The following PHACTR2 variants were observed in gnomAD, a reference collection of about 807,000 sequenced individuals.
The protein encoded by PHACTR2 is chromosome 6 open reading frame 56.
PHACTR2 carries 30 observed loss-of-function variants against 76.0 expected under a neutral mutation model. That is an observed-to-expected ratio of 0.39 (90% CI 0.30 to 0.54). The LOEUF (loss-of-function observed/expected upper bound fraction) is 0.54, where lower values mean the gene tolerates loss of function less well. Among genes scored for constraint, PHACTR2 ranks in the 20% least tolerant of loss-of-function variants. The pLI is 0.61. For synonymous variants in PHACTR2, 292 were observed against 292.5 expected (o/e 1.00, Z 0.02); for missense variants, 696 against 781.1 (o/e 0.89, Z 1.30).
chr6:143,767,478 G>T lies in PHACTR2; in HGVS notation c.1232+1680G>T, dbSNP rs548108575. On this transcript the variant is annotated intron_variant, in intron 6 of 12. Transcript: ENST00000440869. This position sits in a 1 kb window ranked among gnomAD's most constrained non-coding sequence, Gnocchi z 4.4. ...TTCTTTGTTTGACATTTTAATAAAA[G>T]ATATGGGAAAAGAAGATTTATTGAA... Among the ~76,000 whole-genome samples, 4 of 152,226 alleles carry T rather than the reference G, an allele frequency of 2.6e-5. No homozygotes were observed. The South Asian group carries it at 8.3e-4, about 32-fold the overall frequency.
Position 143,598,739 on chromosome 6 carries a change from A to G in PHACTR2, c.217+61532A>G, listed in dbSNP as rs2128435473. 6.6e-6 allele frequency among the ~76,000 whole-genome samples: 1 copy of G among 152,288 alleles called. No homozygotes were observed. Among genetic ancestry groups the G allele is most frequent in the Non-Finnish European group, 1.5e-5 (1 of 68,030 alleles). On this transcript the variant is annotated intron_variant, in intron 1 of 11. Coordinates refer to the PHACTR2 transcript ENST00000367584. This position sits in a 1 kb window ranked among gnomAD's most constrained non-coding sequence, Gnocchi z 4.1. ...CTTTCCTGGCTTTGTCCTTCGTATC[A>G]GATGCAGATGTTTTATCTCCTTTTT...
intron 1 of PHACTR2, among the ~76,000 whole-genome samples, chr6:143,632,762 A>T (rs1273695549): frequency 6.6e-5 from 10 of 152,164 alleles, no homozygotes; most frequent in Non-Finnish European, 1.5e-4. Context: ...CCACCTATTC[A>T]TCCCTTTTCC....
intron 1 of PHACTR2, among the ~76,000 whole-genome samples, chr6:143,560,882 G>GGTGT (rs36070460): frequency 0.036 from 4,817 of 132,986 alleles, 109 homozygotes; most frequent in African/African-American, 0.06. Flanking sequence ...AAAGCAGAGG[G>GGTGT]GTGTGTGTGT....
chr6:143,744,259 G>A (rs1779006144), intron 2 of PHACTR2, among the ~76,000 whole-genome samples: 1 of 152,214 alleles, frequency 6.6e-6, no homozygotes, highest in Non-Finnish European at 1.5e-5. Context: ...TTTGCCACAA[G>A]CCTCACTTGC....
At chr6:143,560,885 G>C (rs1187479857) in intron 1 of PHACTR2, among the ~76,000 whole-genome samples, 6 of 31,588 alleles carry the variant, frequency 1.9e-4, no homozygotes, top group African/African-American at 6.7e-4. Context: ...GCAGAGGGGT[G>C]TGTGTGTGTG....
chr6:143,626,388 T>A lies in PHACTR2; in HGVS notation c.13+18066T>A, dbSNP rs138118761. Among the ~76,000 whole-genome samples the A allele has an allele frequency of 6.6e-3, 1,002 of 151,974 alleles. 23 individuals carry two copies. The East Asian group carries it at 0.092, about 14-fold the overall frequency. On this transcript the variant is annotated intron_variant, in intron 1 of 11. Transcript: ENST00000305766. ...CCGTCTCTACTGAAAATAAAAAAAA[T>A]TAGCCGGGCGCGGTGGTGGGCGCCT...
In PHACTR2 at chr6:143,578,239, G is replaced by A. The variant is rs746089570; in HGVS notation, c.217+41032G>A. Among the ~76,000 whole-genome samples, 1 of 152,132 alleles carries A rather than the reference G, an allele frequency of 6.6e-6. No homozygotes were observed. Among genetic ancestry groups the A allele is most frequent in the Admixed American group, 6.5e-5 (1 of 15,274 alleles). Reference sequence around the variant, plus strand: ...CCTCCATCCTCACGGTCCAGGATGGGGAAGTCATAGCCAGATTTAGCAGTT... The same window carrying A: ...CCTCCATCCTCACGGTCCAGGATGGAGAAGTCATAGCCAGATTTAGCAGTT... On this transcript the variant is annotated intron_variant, in intron 1 of 11. Transcript: ENST00000367584. The surrounding 1 kb of genome is among the most constrained non-coding windows in gnomAD (Gnocchi z 4.5).
chr6:143,795,020 A>C lies in PHACTR2; in HGVS notation c.1845+6110A>C, dbSNP rs1775796033. The stretch of plus-strand genomic sequence containing the variant: ...CTGGTTGTGGTGGGGAATCTCCGGA[A>C]TCTGGTAGTCTGGTTAAATGGCTCA... On this transcript the variant is annotated intron_variant, in intron 11 of 12. Coordinates refer to ENST00000440869, the MANE Select transcript of PHACTR2 (RefSeq NM_001100164.2). This position sits in a 1 kb window ranked among gnomAD's most constrained non-coding sequence, Gnocchi z 4.8. Among the ~76,000 whole-genome samples the C allele has an allele frequency of 6.6e-6, 1 of 152,194 alleles. No individual in the cohort carries two copies. The highest frequency in any genetic ancestry group is 6.5e-5 in the Admixed American group (1 of 15,272).
chr6:143,737,547 C>A (rs896640479), intron 2 of PHACTR2, among the ~76,000 whole-genome samples: 11 of 152,058 alleles, frequency 7.2e-5, no homozygotes, highest in Non-Finnish European at 1.5e-5. Flanking sequence ...AAGGATGAGA[C>A]CCTGATATTA....
chr6:143,592,614 T>C lies in PHACTR2; in HGVS notation c.217+55407T>C, dbSNP rs1262091036. ...TGCTCTTTCCATTAACCTAGTAATG[T>C]CCTTCCCTCTGTCTGTCCATCTCAT... On this transcript the variant is annotated intron_variant, in intron 1 of 11. Transcript: ENST00000367584. The surrounding 1 kb of genome is among the most constrained non-coding windows in gnomAD (Gnocchi z 4.0). Among the ~76,000 whole-genome samples, 1 of 152,188 alleles carries C rather than the reference T, an allele frequency of 6.6e-6. No individual in the cohort carries two copies. The highest frequency in any genetic ancestry group is 1.5e-5 in the Non-Finnish European group (1 of 68,034).
intron 7 of PHACTR2, 91 bp from the exon 8 acceptor site, chr6:143,773,968 G>C (rs1341722134): frequency 1.0e-5 from 11 of 1,057,212 alleles, no homozygotes; most frequent in Non-Finnish European, 1.5e-5. Context: ...AATTTGGTCT[G>C]GGCTCTATTT....
chr6:143,720,732 T>C (rs570621623), intron 2 of PHACTR2, among the ~76,000 whole-genome samples: 3 of 151,984 alleles, frequency 2.0e-5, no homozygotes, highest in Non-Finnish European at 4.4e-5. Context: ...CCACCTCAAG[T>C]CCCCTGAGTC....
At chr6:143,577,896 G>A (rs547666490) in intron 1 of PHACTR2, among the ~76,000 whole-genome samples, 3 of 152,324 alleles carry the variant, frequency 2.0e-5, no homozygotes, top group South Asian at 2.1e-4. Flanking sequence ...AAGGGAAAGC[G>A]AGAGGTATGG....
chr6:143,628,136 A>G (rs1776292198), intron 1 of PHACTR2, among the ~76,000 whole-genome samples: 1 of 151,994 alleles, frequency 6.6e-6, no homozygotes, highest in Admixed American at 6.5e-5. Context: ...ATTCCTTTGT[A>G]TGGCTGAATA....
At chr6:143,584,412 AG>A (rs551365497) in intron 1 of PHACTR2, among the ~76,000 whole-genome samples, 43 of 152,330 alleles carry the variant, frequency 2.8e-4, no homozygotes, top group Non-Finnish European at 5.7e-4. Flanking sequence ...AAGATCAACT[AG>A]CCTCAGTTCT....
In PHACTR2 at chr6:143,646,080, C is replaced by CT. The variant is rs1257911522; in HGVS notation, c.13+37765dup. Among the ~76,000 whole-genome samples the CT allele has an allele frequency of 3.3e-5, 5 of 152,038 alleles. No homozygotes were observed. The highest frequency in any genetic ancestry group is 4.1e-4 in the South Asian group (2 of 4,828). ...TAAACGTGTCAGAAACAATAGAATA[C>CT]TTTTTTTAATATTTTACATCAAAAT... On this transcript the variant is annotated intron_variant, in intron 1 of 11. Transcript: ENST00000305766. The surrounding 1 kb of genome is among the most constrained non-coding windows in gnomAD (Gnocchi z 4.1).
chr6:143,781,895 CTT>C (rs1458538286), intron 9 of PHACTR2, among the ~76,000 whole-genome samples: 2 of 152,208 alleles, frequency 1.3e-5, no homozygotes, highest in Non-Finnish European at 2.9e-5. Context: ...TATGTCCACT[CTT>C]TGTCTAATCA....
At chr6:143,566,464 TTTG>T (rs545413183) in intron 1 of PHACTR2, among the ~76,000 whole-genome samples, 19 of 151,824 alleles carry the variant, frequency 1.3e-4, no homozygotes, top group African/African-American at 4.4e-4. Context: ...CAGCTATTCT[TTTG>T]TTGTTGTTGT....
intron 1 of PHACTR2, among the ~76,000 whole-genome samples, chr6:143,572,696 G>A (rs1425835601): frequency 1.3e-5 from 2 of 152,118 alleles, no homozygotes; most frequent in Admixed American, 6.6e-5. Context: ...GGGATTACAG[G>A]CACATGCCAC....
Sources: gnomAD v4.1 joint callset for allele counts (sites outside exome capture counted in the v4.1 genomes callset) on GRCh38, gnomAD v4.1.1 for gene constraint, Gnocchi (gnomAD v3.1) non-coding constraint, MANE v1.5 for transcripts, NCBI Gene and HGNC (gene_info 2026-07-23, HGNC 2026-07-21) for gene names.